H2AC16: variants seen among roughly 807,000 people sequenced by gnomAD.
H2AC16 encodes the protein histone H2A type 1.
A neutral mutation model predicts 6.6 loss-of-function variants in H2AC16; 11 were observed. That is an observed-to-expected ratio of 1.67 (90% confidence interval 1.05 to 2.77). H2AC16 has a LOEUF of 2.77. Among genes scored for constraint, H2AC16 ranks in the 30% most tolerant of loss-of-function variants. The pLI, the probability that H2AC16 is intolerant of heterozygous loss-of-function variation, is 0.00. For synonymous variants in H2AC16, 131 were observed against 80.8 expected, an observed-to-expected ratio of 1.62 and a Z score of -3.33; for missense variants, 212 against 177.1, an observed-to-expected ratio of 1.20 and a Z score of -1.12.
Position 27,865,459 on chromosome 6 carries a change from C to T in H2AC16, c.105C>T (p.Leu35=), listed in dbSNP as rs761920237. Residue 35 remains leucine (L), a synonymous_variant, in exon 1 of 1, where the codon CTC becomes CTT. Transcript: ENST00000613174. ...CCGTGGGCCGAGTGCACCGACTGCT[C>T]CGCAAGGGCAACTATGCTGAGCGGG... ...QFPVGRVHRL[L]RKGNYAERVG... is the part of the protein sequence containing the mutation. The T allele has an allele frequency of 1.2e-6, 2 of 1,614,046 alleles. No homozygotes were observed. The highest frequency in any genetic ancestry group is 2.2e-5 in the South Asian group (2 of 91,076).
chr6:27,865,729 C>G lies in H2AC16; in HGVS notation c.375C>G (p.His125Gln). ...TGCCCAAGAAGACCGAGAGTCACCA[C>G]AAGGCCAAAGGCAAATAATGTCTCC... ...VLLPKKTESH[H>Q]KAKGK The change falls in exon 1 of 1, where the codon CAC becomes CAG. Residue 125 changes from histidine to glutamine, a missense_variant. By Grantham distance (24) the His-to-Gln change is conservative. Coordinates refer to ENST00000613174, the MANE Select transcript of H2AC16 (RefSeq NM_003511.3). The G allele has an allele frequency of 6.2e-7, 1 of 1,614,194 alleles. No homozygotes were observed. The highest frequency in any genetic ancestry group is 8.5e-7 in the Non-Finnish European group (1 of 1,179,994).
Position 27,865,779 on chromosome 6 carries a change from G to A in H2AC16, c.*32G>A. 6.2e-7 allele frequency: 1 copy of A among 1,603,164 alleles called. No individual in the cohort carries two copies. The highest frequency in any genetic ancestry group is 8.5e-7 in the Non-Finnish European group (1 of 1,171,976). ...CATAGAATCACTTTCCAATACAACG[G>A]CTCTTTTCAGAGCCACCTACTATTT... On this transcript the variant is annotated 3_prime_UTR_variant, in exon 1 of 1. Coordinates refer to ENST00000613174, the MANE Select transcript of H2AC16 (RefSeq NM_003511.3).
rs1483791464 is a variant in H2AC16, at chr6:27,865,514, G to A, written c.160G>A (p.Ala54Thr). 1.2e-6 allele frequency: 2 copies of A among 1,614,022 alleles called. No individual in the cohort carries two copies. The highest frequency in any genetic ancestry group is 1.3e-5 in the African/African-American group (1 of 74,934). The change falls in exon 1 of 1, where the codon GCG (alanine) becomes ACG (threonine). Residue 54 changes from alanine to threonine, a missense_variant. By Grantham distance (58) the Ala-to-Thr change is moderately conservative (BLOSUM62 0). Transcript: ENST00000613174. ...GGCCGGCGCGCCGGTGTACCTGGCG[G>A]CGGTGCTGGAGTACCTGACTGCCGA... ...VGAGAPVYLA[A>T]VLEYLTAEIL...
rs1354361439 is a variant in H2AC16, at chr6:27,865,457, C to T, written c.103C>T (p.Leu35Phe). The change falls in exon 1 of 1, where the codon CTC becomes TTC. Residue 35 changes from leucine to phenylalanine, a missense_variant. Leu to Phe is a conservative substitution (Grantham distance 22). Coordinates refer to ENST00000613174, the MANE Select transcript of H2AC16 (RefSeq NM_003511.3). Reference sequence around the variant, plus strand: ...CCCCGTGGGCCGAGTGCACCGACTGCTCCGCAAGGGCAACTATGCTGAGCG... The same window carrying T: ...CCCCGTGGGCCGAGTGCACCGACTGTTCCGCAAGGGCAACTATGCTGAGCG... ...QFPVGRVHRLLRKGNYAERVG... is the reference protein window; with the variant it reads ...QFPVGRVHRLFRKGNYAERVG... The T allele has an allele frequency of 6.2e-7, 1 of 1,614,050 alleles. No homozygotes were observed. Among genetic ancestry groups the T allele is most frequent in the South Asian group, 1.1e-5 (1 of 91,076 alleles).
rs139452482 is a variant in H2AC16, at chr6:27,865,485, T to C, written c.131T>C (p.Val44Ala). Reference sequence around the variant, plus strand: ...CGCAAGGGCAACTATGCTGAGCGGGTCGGGGCCGGCGCGCCGGTGTACCTG... The same window carrying C: ...CGCAAGGGCAACTATGCTGAGCGGGCCGGGGCCGGCGCGCCGGTGTACCTG... ...LLRKGNYAER[V>A]GAGAPVYLAA... The change falls in exon 1 of 1, where the codon GTC becomes GCC. Residue 44 changes from valine (V) to alanine (A), a missense_variant. By Grantham distance (64) the Val-to-Ala change is moderately conservative. Transcript: ENST00000613174. 23 of 1,613,576 alleles carry C rather than the reference T, an allele frequency of 1.4e-5. No individual in the cohort carries two copies. The highest frequency in any genetic ancestry group is 1.9e-5 in the Non-Finnish European group (22 of 1,179,852).
At position 27,865,371 on chromosome 6, in the gene H2AC16, A is replaced by G; in HGVS notation, c.17A>G (p.Lys6Arg). MSGRG[K>R]QGGKARAKAK... ...TTCTTCGTCATGTCGGGACGCGGCA[A>G]GCAGGGAGGCAAAGCTCGCGCCAAA... is the stretch of plus-strand genomic sequence containing the variant. The change falls in exon 1 of 1, where the codon AAG (lysine) becomes AGG (arginine). Residue 6 changes from lysine to arginine, a missense_variant. Physicochemically the swap from Lys to Arg is conservative, Grantham distance 26 (BLOSUM62 2). Transcript: ENST00000613174. 1 of 1,607,558 alleles carries G rather than the reference A, an allele frequency of 6.2e-7. No homozygotes were observed. Among genetic ancestry groups the G allele is most frequent in the Non-Finnish European group, 8.5e-7 (1 of 1,175,504 alleles).
In H2AC16 at chr6:27,865,363, ACG is replaced by A; in HGVS notation, c.12_13del (p.Gly5GlnfsTer37). 6 of 1,605,338 alleles carry A rather than the reference ACG, an allele frequency of 3.7e-6. No individual in the cohort carries two copies. Among genetic ancestry groups the A allele is most frequent in the Non-Finnish European group, 5.1e-6 (6 of 1,174,230 alleles). ...TTTATCGTTTCTTCGTCATGTCGGGACGCGGCAAGCAGGGAGGCAAAGCTCGC... is the reference window on the plus strand; with the variant it reads ...TTTATCGTTTCTTCGTCATGTCGGGACGGCAAGCAGGGAGGCAAAGCTCGC... MSG[R>X]GKQGGKARAK... On this transcript the variant is annotated frameshift_variant, in exon 1 of 1. Transcript: ENST00000613174. LOFTEE classifies it high-confidence loss of function.
chr6:27,865,524 AG>A lies in H2AC16; in HGVS notation c.171del (p.Glu57AspfsTer3). On this transcript the variant is annotated frameshift_variant, in exon 1 of 1. Coordinates refer to ENST00000613174, the MANE Select transcript of H2AC16 (RefSeq NM_003511.3). LOFTEE classifies it high-confidence loss of function. The part of the protein sequence containing the change: ...GAPVYLAAVL[E>X]YLTAEILELA... Reference sequence around the variant, plus strand: ...CCGGTGTACCTGGCGGCGGTGCTGGAGTACCTGACTGCCGAGATCCTGGAGC... The same window carrying A: ...CCGGTGTACCTGGCGGCGGTGCTGGATACCTGACTGCCGAGATCCTGGAGC... 6.2e-7 allele frequency: 1 copy of A among 1,614,190 alleles called. No homozygotes were observed. The highest frequency in any genetic ancestry group is 8.5e-7 in the Non-Finnish European group (1 of 1,180,036).
In H2AC16 at chr6:27,865,536, C is replaced by T. The variant is rs1177803561; in HGVS notation, c.182C>T (p.Ala61Val). ...YLAAVLEYLTAEILELAGNAA... is the reference protein window; with the variant it reads ...YLAAVLEYLTVEILELAGNAA... ...GCGGCGGTGCTGGAGTACCTGACTG[C>T]CGAGATCCTGGAGCTGGCGGGCAAC... The change falls in exon 1 of 1, where the codon GCC (alanine) becomes GTC (valine). Residue 61 changes from alanine (A) to valine (V), a missense_variant. Coordinates refer to ENST00000613174, the MANE Select transcript of H2AC16 (RefSeq NM_003511.3). 2 of 1,614,226 alleles carry T rather than the reference C, an allele frequency of 1.2e-6. No individual in the cohort carries two copies. Among genetic ancestry groups the T allele is most frequent in the Non-Finnish European group, 1.7e-6 (2 of 1,180,040 alleles).
rs1761484261 is a variant in H2AC16, at chr6:27,865,614, C to A, written c.260C>A (p.Ala87Asp). 6.2e-7 allele frequency: 1 copy of A among 1,614,106 alleles called. No homozygotes were observed. The highest frequency in any genetic ancestry group is 8.5e-7 in the Non-Finnish European group (1 of 1,180,050). ...ATTATCCCGCGCCACTTGCAGCTGG[C>A]CATCCGCAACGACGAGGAGCTCAAC... The part of the protein sequence containing the change: ...TRIIPRHLQL[A>D]IRNDEELNKL... Residue 87 changes from alanine (A) to aspartate (D), a missense_variant, in exon 1 of 1, where the codon GCC becomes GAC. Physicochemically the swap from Ala to Asp is moderately radical, Grantham distance 126. Coordinates refer to ENST00000613174, the MANE Select transcript of H2AC16 (RefSeq NM_003511.3).
Position 27,865,742 on chromosome 6 carries a change from AAAT to A in H2AC16, c.392_*1del, listed in dbSNP as rs1346490334. 3 of 1,613,612 alleles carry A rather than the reference AAAT, an allele frequency of 1.9e-6. No homozygotes were observed. Among genetic ancestry groups the A allele is most frequent in the Admixed American group, 1.7e-5 (1 of 59,986 alleles). ...CGAGAGTCACCACAAGGCCAAAGGC[AAAT>A]AATGTCTCCATAGAATCACTTTCCA... On this transcript the variant is annotated stop_lost and inframe_deletion, in exon 1 of 1. Transcript: ENST00000613174.
Position 27,865,441 on chromosome 6 carries a change from C to T in H2AC16, c.87C>T (p.Gly29=), listed in dbSNP as rs763235615. 17 of 1,614,036 alleles carry T rather than the reference C, an allele frequency of 1.1e-5. No individual in the cohort carries two copies. Among genetic ancestry groups the T allele is most frequent in the Non-Finnish European group, 1.4e-5 (17 of 1,179,944 alleles). The part of the protein sequence containing the change: ...SSRAGLQFPV[G]RVHRLLRKGN... ...GTGCCGGTCTCCAGTTCCCCGTGGG[C>T]CGAGTGCACCGACTGCTCCGCAAGG... The change falls in exon 1 of 1, where the codon GGC becomes GGT. Residue 29 remains glycine (G), a synonymous_variant. Coordinates refer to ENST00000613174, the MANE Select transcript of H2AC16 (RefSeq NM_003511.3).
Position 27,865,744 on chromosome 6 carries a change from A to G in H2AC16, c.390A>G (p.Lys130=), listed in dbSNP as rs199657823. ...KTESHHKAKG[K] ...AGAGTCACCACAAGGCCAAAGGCAA[A>G]TAATGTCTCCATAGAATCACTTTCC... The change falls in exon 1 of 1, where the codon AAA becomes AAG. Residue 130 remains lysine (K), a synonymous_variant. Transcript: ENST00000613174. The G allele has an allele frequency of 1.1e-5, 18 of 1,613,614 alleles. No individual in the cohort carries two copies. The African/African-American group carries it at 2.1e-4, about 19-fold the overall frequency.
rs1761485082 is a variant in H2AC16, at chr6:27,865,635, T to C, written c.281T>C (p.Leu94Pro). Residue 94 changes from leucine to proline, a missense_variant, in exon 1 of 1, where the codon CTC (leucine) becomes CCC (proline). By Grantham distance (98) the Leu-to-Pro change is moderately conservative (BLOSUM62 -3). Transcript: ENST00000613174. ...LQLAIRNDEE[L>P]NKLLGKVTIA... is the part of the protein sequence containing the mutation. The stretch of plus-strand genomic sequence containing the variant: ...CTGGCCATCCGCAACGACGAGGAGC[T>C]CAACAAGCTGCTGGGCAAAGTAACC... 7 of 1,614,016 alleles carry C rather than the reference T, an allele frequency of 4.3e-6. No homozygotes were observed. Among genetic ancestry groups the C allele is most frequent in the South Asian group, 1.1e-5 (1 of 91,076 alleles).
rs201897403 is a variant in H2AC16, at chr6:27,865,333, C to T, written c.-22C>T. 2,390 of 1,589,566 alleles carry T rather than the reference C, an allele frequency of 1.5e-3. 6 individuals carry two copies. The highest frequency in any genetic ancestry group is 1.9e-3 in the Non-Finnish European group (2,220 of 1,166,028). On this transcript the variant is annotated 5_prime_UTR_variant, in exon 1 of 1. Transcript: ENST00000613174. The stretch of plus-strand genomic sequence containing the variant: ...AACTTCTCTCGGCTGTTCTCAGTTC[C>T]TCCATTTATCGTTTCTTCGTCATGT...
chr6:27,865,753 C>A lies in H2AC16; in HGVS notation c.*6C>A, dbSNP rs375707461. On this transcript the variant is annotated 3_prime_UTR_variant, in exon 1 of 1. Transcript: ENST00000613174. ...ACAAGGCCAAAGGCAAATAATGTCT[C>A]CATAGAATCACTTTCCAATACAACG... 6.2e-7 allele frequency: 1 copy of A among 1,612,208 alleles called. No individual in the cohort carries two copies.
rs1761486234 is a variant in H2AC16 at position 27,865,666 on chromosome 6, T to C, written c.312T>C (p.Ala104=). Residue 104 remains alanine (A), a synonymous_variant, in exon 1 of 1, where the codon GCT becomes GCC. Coordinates refer to ENST00000613174, the MANE Select transcript of H2AC16 (RefSeq NM_003511.3). Reference sequence around the variant, plus strand: ...AGCTGCTGGGCAAAGTAACCATCGCTCAGGGTGGTGTCCTGCCCAACATCC... The same window carrying C: ...AGCTGCTGGGCAAAGTAACCATCGCCCAGGGTGGTGTCCTGCCCAACATCC... ...LNKLLGKVTI[A]QGGVLPNIQA... is the part of the protein sequence containing the mutation. The C allele has an allele frequency of 6.2e-7, 1 of 1,614,192 alleles. No individual in the cohort carries two copies. The highest frequency in any genetic ancestry group is 8.5e-7 in the Non-Finnish European group (1 of 1,180,038).
Position 27,865,650 on chromosome 6 carries a change from G to T in H2AC16, c.296G>T (p.Gly99Val). Residue 99 changes from glycine to valine, a missense_variant, in exon 1 of 1, where the codon GGC becomes GTC. Gly to Val is a moderately radical substitution (Grantham distance 109). Transcript: ENST00000613174. ...GACGAGGAGCTCAACAAGCTGCTGG[G>T]CAAAGTAACCATCGCTCAGGGTGGT... ...RNDEELNKLLGKVTIAQGGVL... is the reference protein window; with the variant it reads ...RNDEELNKLLVKVTIAQGGVL... 6.2e-7 allele frequency: 1 copy of T among 1,614,224 alleles called. No individual in the cohort carries two copies. Among genetic ancestry groups the T allele is most frequent in the Non-Finnish European group, 8.5e-7 (1 of 1,180,046 alleles).
In H2AC16 at chr6:27,865,763, A is replaced by T; in HGVS notation, c.*16A>T. 1.2e-6 allele frequency: 2 copies of T among 1,608,914 alleles called. No homozygotes were observed. The highest frequency in any genetic ancestry group is 1.7e-6 in the Non-Finnish European group (2 of 1,175,968). ...AGGCAAATAATGTCTCCATAGAATC[A>T]CTTTCCAATACAACGGCTCTTTTCA... On this transcript the variant is annotated 3_prime_UTR_variant, in exon 1 of 1. Coordinates refer to ENST00000613174, the MANE Select transcript of H2AC16 (RefSeq NM_003511.3).
Sources: allele counts gnomAD v4.1 joint callset, GRCh38; gene constraint gnomAD v4.1.1; transcripts MANE v1.5; gene names NCBI Gene and HGNC (gene_info 2026-07-23, HGNC 2026-07-21).